The following NKAIN2 variants were observed in gnomAD, a reference collection of about 807,000 sequenced individuals.
NKAIN2 encodes the protein sodium/potassium transporting ATPase interacting 2.
A neutral mutation model predicts 32.6 loss-of-function variants in NKAIN2; 14 were observed. The ratio of observed to expected loss-of-function variants is 0.43; its 90% CI spans 0.28 to 0.67. NKAIN2 has a LOEUF of 0.67. Among genes scored for constraint, NKAIN2 ranks in the 30% least tolerant of loss-of-function variants. The pLI is 0.17. For synonymous variants in NKAIN2, 80 were observed against 87.2 expected (o/e 0.92, Z 0.46); for missense variants, 198 against 258.3 (o/e 0.77, Z 1.60).
intron 3 of NKAIN2, among the ~76,000 whole-genome samples, chr6:124,430,463 A>G (rs1421267712): frequency 6.6e-6 from 1 of 152,080 alleles, no homozygotes; most frequent in African/African-American, 2.4e-5. Flanking sequence ...TGTAGTTGCT[A>G]TCAGAGGACG....
intron 1 of NKAIN2, among the ~76,000 whole-genome samples, chr6:124,264,998 A>T (rs961479857): frequency 6.6e-6 from 1 of 152,186 alleles, no homozygotes; most frequent in Admixed American, 6.5e-5. Context: ...ATTTATGCAG[A>T]CAGGTCCACA....
intron 2 of NKAIN2, among the ~76,000 whole-genome samples, chr6:124,348,573 C>G (rs548799675): frequency 6.6e-6 from 1 of 152,318 alleles, no homozygotes; most frequent in Admixed American, 6.5e-5. Context: ...TGCTGCCTTG[C>G]AGTTTGATCT....
At chr6:123,922,679 T>G (rs1037209958) in intron 1 of NKAIN2, among the ~76,000 whole-genome samples, 1 of 152,156 alleles carries the variant, frequency 6.6e-6, no homozygotes, top group Non-Finnish European at 1.5e-5. Context: ...TTTCTCAATG[T>G]GCATGGATTG....
intron 1 of NKAIN2, among the ~76,000 whole-genome samples, chr6:123,988,701 T>C (rs978645567): frequency 1.3e-5 from 2 of 152,214 alleles, no homozygotes; most frequent in Non-Finnish European, 2.9e-5. Context: ...AATCAATCTA[T>C]TTGTTTTTCA....
chr6:123,835,994 G>A (rs1353197247), intron 1 of NKAIN2, among the ~76,000 whole-genome samples: 2 of 150,184 alleles, frequency 1.3e-5, no homozygotes, highest in African/African-American at 4.9e-5. Context: ...AAGTCAAAAT[G>A]GAATATTTCA....
chr6:124,008,913 AT>A, intron 1 of NKAIN2, among the ~76,000 whole-genome samples: 2 of 152,298 alleles, frequency 1.3e-5, no homozygotes, highest in Middle Eastern at 6.8e-3. Context: ...AAACAGTAGA[AT>A]TGTGTGTTGC....
At chr6:124,254,917 C>T (rs1440947202) in intron 1 of NKAIN2, among the ~76,000 whole-genome samples, 1 of 152,136 alleles carries the variant, frequency 6.6e-6, no homozygotes, top group Non-Finnish European at 1.5e-5. Context: ...AGCTTTTTAT[C>T]GTGCTTAATA....
chr6:124,766,737 ACTCT>A (rs567207316), intron 4 of NKAIN2, among the ~76,000 whole-genome samples: 2 of 152,102 alleles, frequency 1.3e-5, no homozygotes, highest in Non-Finnish European at 2.9e-5. Context: ...CTTTTCCTAA[ACTCT>A]CTCTCTTTAT....
intron 3 of NKAIN2, among the ~76,000 whole-genome samples, chr6:124,590,717 C>A (rs1781879451): frequency 6.6e-6 from 1 of 152,148 alleles, no homozygotes; most frequent in Non-Finnish European, 1.5e-5. Flanking sequence ...AAGAGTTCTT[C>A]ATAACAGGAA....
chr6:124,289,868 A>T (rs1795721408), intron 2 of NKAIN2, among the ~76,000 whole-genome samples: 1 of 152,200 alleles, frequency 6.6e-6, no homozygotes, highest in Admixed American at 6.5e-5. Flanking sequence ...AGAAAAAAAT[A>T]TCTGAAAGGA....
At chr6:124,083,597 A>G (rs1292671812) in intron 1 of NKAIN2, among the ~76,000 whole-genome samples, 2 of 151,940 alleles carry the variant, frequency 1.3e-5, no homozygotes, top group African/African-American at 4.8e-5. Context: ...TGATCCACCT[A>G]TACATAAATT....
intron 1 of NKAIN2, among the ~76,000 whole-genome samples, chr6:124,258,506 C>T (rs533122588): frequency 8.3e-4 from 127 of 152,234 alleles, no homozygotes; most frequent in Middle Eastern, 3.4e-3. Flanking sequence ...AAATGATAAA[C>T]GATAACTTGA....
At chr6:124,116,290 G>C (rs565491958) in intron 1 of NKAIN2, among the ~76,000 whole-genome samples, 1 of 152,230 alleles carries the variant, frequency 6.6e-6, no homozygotes, top group East Asian at 1.9e-4. Context: ...TTTTGGCTGT[G>C]TTGTAAAGTA....
intron 1 of NKAIN2, among the ~76,000 whole-genome samples, chr6:124,138,917 C>G (rs1221344354): frequency 1.3e-5 from 2 of 150,772 alleles, no homozygotes; most frequent in Non-Finnish European, 2.9e-5. Context: ...ACTTTGAAGA[C>G]TTGGGGGGAA....
At chr6:124,603,528 TTTTC>T (rs1782384537) in intron 3 of NKAIN2, among the ~76,000 whole-genome samples, 2 of 151,902 alleles carry the variant, frequency 1.3e-5, no homozygotes, top group African/African-American at 4.8e-5. Flanking sequence ...ATTTAACTCT[TTTTC>T]TTTGTCTATA....
At chr6:124,726,056 T>C (rs561159939) in intron 4 of NKAIN2, among the ~76,000 whole-genome samples, 2 of 152,294 alleles carry the variant, frequency 1.3e-5, no homozygotes, top group East Asian at 3.9e-4. Flanking sequence ...TGGAGGGTCC[T>C]ACGCCCACGG....
intron 3 of NKAIN2, among the ~76,000 whole-genome samples, chr6:124,542,996 A>G (rs1325161977): frequency 6.6e-6 from 1 of 152,192 alleles, no homozygotes; most frequent in African/African-American, 2.4e-5. Context: ...CCCTTTCTGT[A>G]AGTATTTCAC....
chr6:124,161,187 C>T (rs1330464221), intron 1 of NKAIN2, among the ~76,000 whole-genome samples: 2 of 152,026 alleles, frequency 1.3e-5, no homozygotes, highest in Non-Finnish European at 2.9e-5. Flanking sequence ...CTGAGGAGGC[C>T]TCAGGAAGCT....
intron 2 of NKAIN2, among the ~76,000 whole-genome samples, chr6:124,304,357 A>C (rs1353550145): frequency 6.6e-6 from 1 of 152,176 alleles, no homozygotes; most frequent in Non-Finnish European, 1.5e-5. Flanking sequence ...CATTTGATTT[A>C]ATCCTTTCCT....
Sources: gnomAD v4.1 joint callset for allele counts (sites outside exome capture counted in the v4.1 genomes callset) on GRCh38, gnomAD v4.1.1 for gene constraint, MANE v1.5 for transcripts, NCBI Gene and HGNC (gene_info 2026-07-23, HGNC 2026-07-21) for gene names.